Variants in PTGS2 observed in about 807,000 individuals in gnomAD.
PTGS2 encodes prostaglandin G/H synthase 2.
PTGS2 carries 14 observed loss-of-function variants against 63.8 expected under a neutral mutation model. The observed-to-expected ratio is 0.22, with a 90% CI of 0.14 to 0.34. The LOEUF is 0.34. Ranked by LOEUF, PTGS2 falls within the 10% of genes least tolerant of loss-of-function variation. The pLI, the probability that PTGS2 is intolerant of heterozygous loss-of-function variation, is 1.00. For missense variants in PTGS2, 533 were observed against 738.5 expected, an observed-to-expected ratio of 0.72 and a Z score of 3.23; for synonymous variants, 271 against 259.5, an observed-to-expected ratio of 1.04 and a Z score of -0.43.
intron 9 of PTGS2, 91 bp from the exon 10 acceptor site, chr1:186,674,853 T>C: frequency 2.9e-6 from 4 of 1,401,800 alleles, no homozygotes; most frequent in Non-Finnish European, 3.8e-6. Flanking sequence ...TGCTGCCAAC[T>C]TCTCTGTTTC....
In PTGS2 at chr1:186,677,458, G is replaced by A. The variant is rs186381971; in HGVS notation, c.639+191C>T. Among the ~76,000 whole-genome samples, 399 of 152,278 alleles carry A rather than the reference G, an allele frequency of 2.6e-3. 3 individuals carry two copies. Among genetic ancestry groups the A allele is most frequent in the African/African-American group, 9.1e-3 (377 of 41,544 alleles). On this transcript the variant is annotated intron_variant, in intron 5 of 9. Coordinates refer to ENST00000367468, the MANE Select transcript of PTGS2 (RefSeq NM_000963.4). The stretch of plus-strand genomic sequence containing the variant: ...TTTATATATGTGTGTGCATGTCTGT[G>A]TGTGTGTATAATTTTACTAGACCAG...
At chr1:186,678,125 C>A in intron 4 of PTGS2, 136 bp downstream of exon 4, 1 of 876,300 alleles carries the variant, frequency 1.1e-6, no homozygotes, top group Non-Finnish European at 1.6e-6. Flanking sequence ...TTAAAAAATA[C>A]CCATAGATAA....
At position 186,679,195 on chromosome 1, in the gene PTGS2, A is replaced by G; in HGVS notation, c.176T>C (p.Phe59Ser). The G allele has an allele frequency of 6.2e-7, 1 of 1,613,404 alleles. No individual in the cohort carries two copies. The highest frequency in any genetic ancestry group is 8.5e-7 in the Non-Finnish European group (1 of 1,179,744). ...CAGAAATAATTTTATTCTTGTCAAA[A>G]ATTCCGCTGCAAGAAGACGAAGAAA... ...FYGENCSTPEFLTRIKLFLKP... is the reference protein window; with the variant it reads ...FYGENCSTPESLTRIKLFLKP... Residue 59 changes from phenylalanine (F) to serine (S), a missense_variant, in exon 3 of 10, where the codon TTT becomes TCT. Physicochemically the swap from Phe to Ser is radical, Grantham distance 155 (BLOSUM62 -2). Coordinates refer to ENST00000367468, the MANE Select transcript of PTGS2 (RefSeq NM_000963.4).
chr1:186,677,906 G>C (rs1441524493), intron 4 of PTGS2, 76 bp from the exon 5 acceptor site: 4 of 1,371,986 alleles, frequency 2.9e-6, no homozygotes, highest in East Asian at 2.4e-5. Flanking sequence ...AATCTACCAA[G>C]AATTCTTCAT....
At position 186,676,929 on chromosome 1, in the gene PTGS2, GA is replaced by G. The variant is rs1665792250; in HGVS notation, c.640-14del. 1 of 1,592,458 alleles carries G rather than the reference GA, an allele frequency of 6.3e-7. No individual in the cohort carries two copies. Among genetic ancestry groups the G allele is most frequent in the East Asian group, 2.3e-5 (1 of 44,414 alleles). ...GATTTAAGTCCACCTAGAAAATGAT[GA>G]AAAAATTTTAATTTGTTGCTGTTGA... is the stretch of plus-strand genomic sequence containing the variant. On this transcript the variant is annotated splice_polypyrimidine_tract_variant and intron_variant, in intron 5 of 9. Coordinates refer to ENST00000367468, the MANE Select transcript of PTGS2 (RefSeq NM_000963.4).
At position 186,675,580 on chromosome 1, in the gene PTGS2, C is replaced by T. The variant is rs1051003949; in HGVS notation, c.1258-184G>A. ...GCTTAAAATTCAATGGGACACCAGCCTAGAACTAATTTGCCTTTTTACATT... is the reference window on the plus strand; with the variant it reads ...GCTTAAAATTCAATGGGACACCAGCTTAGAACTAATTTGCCTTTTTACATT... On this transcript the variant is annotated intron_variant, in intron 8 of 9. Coordinates refer to ENST00000367468, the MANE Select transcript of PTGS2 (RefSeq NM_000963.4). 4.2e-6 allele frequency: 3 copies of T among 714,336 alleles called. No individual in the cohort carries two copies. In the African/African-American group the frequency reaches 5.4e-5, roughly 13 times the overall value. 44.2% of individuals were successfully genotyped at this position (714,336 alleles called of 1,614,324 possible).
Position 186,679,369 on chromosome 1 carries a change from T to A in PTGS2, c.122A>T (p.Lys41Met). ...GAATCCTGTCCGGGTACAATCGCAC[T>A]TATACTGGTCAAATCCCACACTCAT... ...VCMSVGFDQY[K>M]CDCTRTGFYG... The change falls in exon 2 of 10, where the codon AAG becomes ATG. Residue 41 changes from lysine (K) to methionine (M), a missense_variant. Lys to Met is a moderately conservative substitution (Grantham distance 95). Around this residue, in one of 5 missense-constraint regions of PTGS2, gnomAD observed 118 missense variants for 144.6 expected, o/e 0.82. Coordinates refer to ENST00000367468, the MANE Select transcript of PTGS2 (RefSeq NM_000963.4). 2 of 1,614,170 alleles carry A rather than the reference T, an allele frequency of 1.2e-6. No homozygotes were observed. Among genetic ancestry groups the A allele is most frequent in the Non-Finnish European group, 1.7e-6 (2 of 1,180,028 alleles).
At position 186,679,727 on chromosome 1, in the gene PTGS2, G is replaced by A. The variant is rs1221523825; in HGVS notation, c.53-289C>T. 3.3e-5 allele frequency among the ~76,000 whole-genome samples: 5 copies of A among 152,192 alleles called. No individual in the cohort carries two copies. The South Asian group carries it at 6.2e-4, about 19-fold the overall frequency. ...TAGCATTTTTAAGAAGTTCAAATAA[G>A]TAGCACTTCACTTTCCAAATTAAAA... On this transcript the variant is annotated intron_variant, in intron 1 of 9. Transcript: ENST00000367468.
chr1:186,678,508 G>C, intron 3 of PTGS2, 104 bp from the exon 4 acceptor site: 1 of 1,074,832 alleles, frequency 9.3e-7, no homozygotes, highest in South Asian at 1.9e-5. Context: ...GAGGTTGAAT[G>C]TAACTCCAAA....
Position 186,676,864 on chromosome 1 carries a change from C to T in PTGS2, c.692G>A (p.Arg231His). Residue 231 changes from arginine (R) to histidine (H), a missense_variant, in exon 6 of 10, where the codon CGC becomes CAC. Transcript: ENST00000367468. ...TTTCATTTTTCCATCCTTGAAAAGG[C>T]GCAGTTTACGCTGTCTAGCCAGAGT... is the stretch of plus-strand genomic sequence containing the variant. Reference protein sequence around the residue: ...GETLARQRKLRLFKDGKMKYQ... With the variant: ...GETLARQRKLHLFKDGKMKYQ... The T allele has an allele frequency of 1.2e-6, 2 of 1,610,032 alleles. No individual in the cohort carries two copies. Among genetic ancestry groups the T allele is most frequent in the Non-Finnish European group, 1.7e-6 (2 of 1,178,666 alleles).
At position 186,680,311 on chromosome 1, in the gene PTGS2, G is replaced by T; in HGVS notation, c.-21C>A. On this transcript the variant is annotated 5_prime_UTR_variant, in exon 1 of 10. Coordinates refer to ENST00000367468, the MANE Select transcript of PTGS2 (RefSeq NM_000963.4). ...AGCATCGCAGCGGCGGGCAGGGCGC[G>T]GCGCGGGGGTAGGCTTTGCTGTCTG... 2 of 1,533,098 alleles carry T rather than the reference G, an allele frequency of 1.3e-6. No homozygotes were observed. The highest frequency in any genetic ancestry group is 1.8e-6 in the Non-Finnish European group (2 of 1,138,218). 95.0% of individuals were successfully genotyped at this position (1,533,098 alleles called of 1,614,324 possible).
chr1:186,680,059 G>T (rs1261954661), intron 1 of PTGS2, among the ~76,000 whole-genome samples, 180 bp downstream of exon 1: 2 of 152,234 alleles, frequency 1.3e-5, no homozygotes, highest in Non-Finnish European at 2.9e-5. Context: ...GTGCTTGTGG[G>T]AAAGCTGGAA....
chr1:186,673,648 T>C lies in PTGS2; in HGVS notation c.*705A>G, dbSNP rs1227027072. The C allele has an allele frequency of 2.0e-5, 3 of 152,236 alleles. No individual in the cohort carries two copies. Among genetic ancestry groups the C allele is most frequent in the Admixed American group, 6.5e-5 (1 of 15,282 alleles). The allele number at this position is 152,236 out of a possible 1,614,324, so 9.4% of individuals were successfully genotyped here. A position where few individuals can be genotyped will look rare whatever the true frequency, so the allele number is the denominator to read the frequency against. ...TTATACTCTTGGTGAAAAAGGAACA[T>C]CACTTATAAAATATTTTAACAAGCA... On this transcript the variant is annotated 3_prime_UTR_variant, in exon 10 of 10. Transcript: ENST00000367468.
chr1:186,677,530 T>G, intron 5 of PTGS2, 119 bp downstream of exon 5: 1 of 1,127,438 alleles, frequency 8.9e-7, no homozygotes, highest in Non-Finnish European at 1.2e-6. Flanking sequence ...ATAAGACTTC[T>G]TTTTAAAAAA....
At chr1:186,680,218 T>G in intron 1 of PTGS2, 21 bp downstream of exon 1, 3 of 1,549,680 alleles carry the variant, frequency 1.9e-6, no homozygotes, top group Non-Finnish European at 2.6e-6. Flanking sequence ...GAGTCCCCGG[T>G]GCGCGGCGCC....
At chr1:186,678,198 T>A (rs1318928930) in intron 4 of PTGS2, 63 bp downstream of exon 4, 2 of 1,466,010 alleles carry the variant, frequency 1.4e-6, no homozygotes, top group Non-Finnish European at 1.8e-6. Context: ...TCAATTTTTT[T>A]TTTTGGCAGC....
chr1:186,675,709 T>C (rs1665767657), intron 8 of PTGS2, 189 bp downstream of exon 8: 3 of 669,700 alleles, frequency 4.5e-6, no homozygotes, highest in East Asian at 2.9e-5. Context: ...GCTATTTGTC[T>C]GACAACTGTA....
Position 186,674,740 on chromosome 1 carries a change from C to T in PTGS2, c.1428G>A (p.Glu476=), listed in dbSNP as rs1383601582. ...ELTGEKEMSA[E]LEALYGDIDA... ...CGATGTCACCATAGAGTGCTTCCAACTCTGCAGACATTTCCTTTTCTCCTG... is the reference window on the plus strand; with the variant it reads ...CGATGTCACCATAGAGTGCTTCCAATTCTGCAGACATTTCCTTTTCTCCTG... The change falls in exon 10 of 10, where the codon GAG becomes GAA. Residue 476 remains glutamate, a synonymous_variant. Transcript: ENST00000367468. The T allele has an allele frequency of 6.8e-6, 11 of 1,611,472 alleles. No homozygotes were observed. Among genetic ancestry groups the T allele is most frequent in the Non-Finnish European group, 9.3e-6 (11 of 1,178,830 alleles).
At position 186,680,291 on chromosome 1, in the gene PTGS2, C is replaced by G; in HGVS notation, c.-1G>C. On this transcript the variant is annotated 5_prime_UTR_variant, in exon 1 of 10. Transcript: ENST00000367468. ...ACAGCAGCAGGGCGCGGGCGAGCAT[C>G]GCAGCGGCGGGCAGGGCGCGGCGCG... 6.5e-7 allele frequency: 1 copy of G among 1,542,074 alleles called. No homozygotes were observed. Among genetic ancestry groups the G allele is most frequent in the Non-Finnish European group, 8.8e-7 (1 of 1,142,810 alleles).
Sources: gnomAD v4.1 joint callset for allele counts (sites outside exome capture counted in the v4.1 genomes callset) on GRCh38, gnomAD v4.1.1 for gene constraint, gnomAD v4.1.1 regional missense constraint, MANE v1.5 for transcripts, NCBI Gene and HGNC (gene_info 2026-07-23, HGNC 2026-07-21) for gene names.